The following ALX4 variants were observed in gnomAD, a reference collection of about 807,000 sequenced individuals.
ALX4 encodes homeobox protein aristaless-like 4.
In ALX4, 22 loss-of-function variants were observed where a neutral mutation model predicts 40.6. That is an observed-to-expected ratio of 0.54 (90% CI 0.39 to 0.77). The LOEUF is 0.77. Among genes scored for constraint, ALX4 ranks in the 30% least tolerant of loss-of-function variants. ALX4 has a pLI of 0.00. For missense variants in ALX4, 556 were observed against 564.8 expected, an observed-to-expected ratio of 0.98 and a Z score of 0.16; for synonymous variants, 266 against 240.5, an observed-to-expected ratio of 1.11 and a Z score of -0.98.
intron 1 of ALX4, among the ~76,000 whole-genome samples, chr11:44,307,238 A>T (rs372604515): frequency 3.3e-5 from 5 of 152,116 alleles, no homozygotes; most frequent in East Asian, 3.9e-4. Context: ...CACATTTATG[A>T]CCCAGTAAGG....
At chr11:44,279,244 A>T (rs1025267323) in intron 1 of ALX4, among the ~76,000 whole-genome samples, 4 of 152,120 alleles carry the variant, frequency 2.6e-5, no homozygotes, top group Non-Finnish European at 4.4e-5. Context: ...TTCCAGTTCT[A>T]ACCCCCCAGC....
chr11:44,300,618 G>T (rs1276872527), intron 1 of ALX4, among the ~76,000 whole-genome samples: 1 of 152,122 alleles, frequency 6.6e-6, no homozygotes. Flanking sequence ...GGATGTACGG[G>T]GCAGACACAC....
chr11:44,280,780 G>C (rs1182546654), intron 1 of ALX4, among the ~76,000 whole-genome samples: 2 of 152,192 alleles, frequency 1.3e-5, no homozygotes, highest in East Asian at 3.9e-4. Flanking sequence ...TCCTAGGTCA[G>C]CATTATTGCC....
At chr11:44,291,648 C>T (rs1255268799) in intron 1 of ALX4, among the ~76,000 whole-genome samples, 19 of 152,178 alleles carry the variant, frequency 1.2e-4, no homozygotes, top group Middle Eastern at 6.8e-3. Context: ...TCAAGCAATC[C>T]GCCCGCCTCA....
At chr11:44,293,420 G>GA (rs530732249) in intron 1 of ALX4, among the ~76,000 whole-genome samples, 8,568 of 131,716 alleles carry the variant, frequency 0.065, 272 homozygotes, top group Non-Finnish European at 0.083. Flanking sequence ...CTTAAAAAAA[G>GA]AAAAAAAAAT....
chr11:44,300,058 T>C (rs940274045), intron 1 of ALX4, among the ~76,000 whole-genome samples: 1 of 152,158 alleles, frequency 6.6e-6, no homozygotes, highest in Non-Finnish European at 1.5e-5. Context: ...ATTGTCTCTG[T>C]CCTGTAGATG....
rs1215800981 is a variant in ALX4 at position 44,262,210 on chromosome 11, G to C, written c.*2644C>G. On this transcript the variant is annotated 3_prime_UTR_variant, in exon 4 of 4. Coordinates refer to ENST00000652299, the MANE Select transcript of ALX4 (RefSeq NM_021926.4). ...CAGTCATGTCTCCACTCTGGGCCAGGGTCTTCTCTGTTGTGAAGGGACTGG... is the reference window on the plus strand; with the variant it reads ...CAGTCATGTCTCCACTCTGGGCCAGCGTCTTCTCTGTTGTGAAGGGACTGG... The C allele has an allele frequency of 6.6e-6, 1 of 152,314 alleles. No individual in the cohort carries two copies. The highest frequency in any genetic ancestry group is 1.9e-4 in the East Asian group (1 of 5,184). 9.4% of individuals were successfully genotyped at this position (152,314 alleles called of 1,614,324 possible). A position where few individuals can be genotyped will look rare whatever the true frequency, so the allele number is the denominator to read the frequency against.
At chr11:44,265,556 C>T (rs1956208701) in intron 3 of ALX4, among the ~76,000 whole-genome samples, 1 of 152,178 alleles carries the variant, frequency 6.6e-6, no homozygotes, top group Non-Finnish European at 1.5e-5. Context: ...CAGCTCCTCC[C>T]CAGGCCCCTC....
chr11:44,295,592 CTGGATGGCCTAGGGT>C (rs1461126174), intron 1 of ALX4, among the ~76,000 whole-genome samples: 11 of 152,250 alleles, frequency 7.2e-5, no homozygotes, highest in Admixed American at 6.5e-4. Flanking sequence ...GTGCCATTCA[CTGGATGGCCTAGGGT>C]AGGGGACAGG....
chr11:44,286,243 G>A (rs4755807), intron 1 of ALX4, among the ~76,000 whole-genome samples: 2 of 152,332 alleles, frequency 1.3e-5, no homozygotes, highest in Admixed American at 6.5e-5. Flanking sequence ...GACCAAAGAT[G>A]ACCCCGGCAG....
intron 2 of ALX4, among the ~76,000 whole-genome samples, chr11:44,271,760 C>T (rs1443157175): frequency 6.6e-6 from 1 of 152,136 alleles, no homozygotes; most frequent in Non-Finnish European, 1.5e-5. Flanking sequence ...TGTATGGTGG[C>T]AACTGAAAAA....
intron 1 of ALX4, among the ~76,000 whole-genome samples, chr11:44,288,127 A>G (rs1956349787): frequency 2.0e-5 from 3 of 152,090 alleles, no homozygotes; most frequent in Non-Finnish European, 4.4e-5. Flanking sequence ...ACCTCAGGTG[A>G]TCCACCTTCC....
At chr11:44,304,139 G>T (rs907720975) in intron 1 of ALX4, among the ~76,000 whole-genome samples, 2 of 152,212 alleles carry the variant, frequency 1.3e-5, no homozygotes, top group Admixed American at 1.3e-4. Context: ...CCCCCGGACG[G>T]TATCATCACA....
intron 1 of ALX4, among the ~76,000 whole-genome samples, chr11:44,297,991 C>T (rs1189713458): frequency 6.6e-6 from 1 of 152,208 alleles, no homozygotes. Flanking sequence ...CCTGGGGATT[C>T]CCATGGCATG....
chr11:44,262,154 A>G lies in ALX4; in HGVS notation c.*2700T>C. 1 of 152,674 alleles carries G rather than the reference A, an allele frequency of 6.5e-6. No individual in the cohort carries two copies. The highest frequency in any genetic ancestry group is 1.5e-5 in the Non-Finnish European group (1 of 68,332). 9.5% of individuals were successfully genotyped at this position (152,674 alleles called of 1,614,324 possible). On this transcript the variant is annotated 3_prime_UTR_variant, in exon 4 of 4. Coordinates refer to ENST00000652299, the MANE Select transcript of ALX4 (RefSeq NM_021926.4). Reference sequence around the variant, plus strand: ...GTGGCACGTCCCAGGCTCCTCTCTCAGCCTAGTCTCAGGGCAAGTACAGGT... The same window carrying G: ...GTGGCACGTCCCAGGCTCCTCTCTCGGCCTAGTCTCAGGGCAAGTACAGGT...
intron 2 of ALX4, among the ~76,000 whole-genome samples, chr11:44,269,874 C>T (rs1022572596): frequency 3.3e-5 from 5 of 152,228 alleles, no homozygotes; most frequent in Admixed American, 1.3e-4. Context: ...CCGCTCCTTC[C>T]TCAGCCTCCC....
chr11:44,304,750 G>A (rs1186662440), intron 1 of ALX4, among the ~76,000 whole-genome samples: 2 of 152,254 alleles, frequency 1.3e-5, no homozygotes, highest in Non-Finnish European at 2.9e-5. Flanking sequence ...CCGAGAAGAA[G>A]GGACGTCCCG....
chr11:44,301,866 G>A (rs1041975125), intron 1 of ALX4, among the ~76,000 whole-genome samples: 1 of 152,236 alleles, frequency 6.6e-6, no homozygotes, highest in African/African-American at 2.4e-5. Flanking sequence ...CTTCCGCAGT[G>A]AGCCACACGG....
intron 1 of ALX4, among the ~76,000 whole-genome samples, chr11:44,276,857 G>T (rs780850729): frequency 2.6e-5 from 4 of 152,130 alleles, no homozygotes; most frequent in African/African-American, 4.8e-5. Context: ...TAATGGCACC[G>T]CTGATCTGAC....
Sources: gnomAD v4.1 joint callset for allele counts (sites outside exome capture counted in the v4.1 genomes callset) on GRCh38, gnomAD v4.1.1 for gene constraint, MANE v1.5 for transcripts, NCBI Gene and HGNC (gene_info 2026-07-23, HGNC 2026-07-21) for gene names.